The following UMAD1 variants were observed in gnomAD, a reference collection of about 807,000 sequenced individuals.
The protein encoded by UMAD1 is UBAP1-MVB12-associated (UMA)-domain containing protein 1.
In UMAD1, 8 loss-of-function variants were observed where a neutral mutation model predicts 6.1. That is an observed-to-expected ratio of 1.30 (90% CI 0.76 to 2.35). The LOEUF is 2.35. Among genes scored for constraint, UMAD1 ranks in the 30% most tolerant of loss-of-function variants. The pLI is 0.00. For missense variants in UMAD1, 130 were observed against 78.4 expected (o/e 1.66, Z -2.49); for synonymous variants, 56 against 31.4 (o/e 1.78, Z -2.61).
intron 3 of UMAD1, among the ~76,000 whole-genome samples, chr7:7,849,537 A>G (rs1583871346): frequency 6.6e-6 from 1 of 152,102 alleles, no homozygotes; most frequent in Non-Finnish European, 1.5e-5. Context: ...GGAAGGATAG[A>G]GGATGAAACC....
chr7:7,758,854 CT>C (rs879809932), intron 2 of UMAD1, among the ~76,000 whole-genome samples: 1 of 152,190 alleles, frequency 6.6e-6, no homozygotes, highest in African/African-American at 2.4e-5. Flanking sequence ...CACTCTCTCT[CT>C]CCCCACCCTG....
At chr7:7,730,480 G>C (rs11978146) in intron 2 of UMAD1, among the ~76,000 whole-genome samples, 4 of 151,778 alleles carry the variant, frequency 2.6e-5, no homozygotes, top group Non-Finnish European at 5.9e-5. Flanking sequence ...TCCAGTTCTC[G>C]TCCTTTTTCT....
In UMAD1 at chr7:7,656,287, A is replaced by G. The variant is rs1437940623; in HGVS notation, c.-64+15466A>G. ...CAATGTAAAGTCTCTTGCTGTTAGT[A>G]AAGAACTTGTTCATGTATTTAAAAA... is the stretch of plus-strand genomic sequence containing the variant. On this transcript the variant is annotated intron_variant, in intron 1 of 3. Coordinates refer to ENST00000682710, the MANE Select transcript of UMAD1 (RefSeq NM_001302348.2). 2.0e-5 allele frequency among the ~76,000 whole-genome samples: 3 copies of G among 152,288 alleles called. No homozygotes were observed. In the East Asian group the frequency reaches 5.8e-4, roughly 29 times the overall value.
intron 2 of UMAD1, among the ~76,000 whole-genome samples, chr7:7,721,991 TA>T (rs1781058674): frequency 6.6e-6 from 1 of 152,120 alleles, no homozygotes; most frequent in Non-Finnish European, 1.5e-5. Flanking sequence ...CCTCCTAGCC[TA>T]CATCTTTTCC....
At chr7:7,745,177 ATTCT>A (rs1267087141) in intron 2 of UMAD1, among the ~76,000 whole-genome samples, 1 of 152,180 alleles carries the variant, frequency 6.6e-6, no homozygotes, top group African/African-American at 2.4e-5. Context: ...AAAGGTCTTC[ATTCT>A]TGTTGTCTTC....
At chr7:7,769,688 G>A (rs751357245) in intron 2 of UMAD1, among the ~76,000 whole-genome samples, 4 of 152,196 alleles carry the variant, frequency 2.6e-5, no homozygotes, top group Non-Finnish European at 5.9e-5. Context: ...CATTTATGTA[G>A]AGGAAGCAGC....
At chr7:7,710,683 A>C (rs895989825) in intron 2 of UMAD1, among the ~76,000 whole-genome samples, 1 of 152,222 alleles carries the variant, frequency 6.6e-6, no homozygotes. Flanking sequence ...CGACTCAGCA[A>C]TTACACTTTG....
chr7:7,672,246 A>G (rs972068117), intron 1 of UMAD1, among the ~76,000 whole-genome samples: 3 of 152,038 alleles, frequency 2.0e-5, no homozygotes, highest in African/African-American at 2.4e-5. Flanking sequence ...TCAGAATCCT[A>G]TGTGTCCTTG....
At chr7:7,852,156 C>T (rs1583873171) in intron 3 of UMAD1, among the ~76,000 whole-genome samples, 2 of 152,248 alleles carry the variant, frequency 1.3e-5, no homozygotes, top group African/African-American at 4.8e-5. Context: ...GGTCTTGGCA[C>T]CCTTATCAAA....
At chr7:7,782,311 C>T (rs1049195713) in intron 2 of UMAD1, among the ~76,000 whole-genome samples, 1 of 151,888 alleles carries the variant, frequency 6.6e-6, no homozygotes, top group East Asian at 1.9e-4. Context: ...ATATACTTTT[C>T]TGTTCTTTTG....
At chr7:7,829,268 C>G (rs888989437) in intron 3 of UMAD1, among the ~76,000 whole-genome samples, 28 of 152,224 alleles carry the variant, frequency 1.8e-4, no homozygotes, top group African/African-American at 6.0e-4. Context: ...GCAGCAATCA[C>G]TTGCATACCT....
intron 2 of UMAD1, among the ~76,000 whole-genome samples, chr7:7,800,279 A>G (rs1782772162): frequency 6.6e-6 from 1 of 152,268 alleles, no homozygotes. Context: ...CTGCCCAACA[A>G]TAATAATGTT....
At chr7:7,662,677 G>A (rs1024023153) in intron 1 of UMAD1, among the ~76,000 whole-genome samples, 3 of 152,088 alleles carry the variant, frequency 2.0e-5, no homozygotes, top group African/African-American at 4.8e-5. Flanking sequence ...GAGATGAGCC[G>A]GGTACCTCAG....
At chr7:7,658,739 C>T (rs562416448) in intron 1 of UMAD1, among the ~76,000 whole-genome samples, 72 of 152,202 alleles carry the variant, frequency 4.7e-4, no homozygotes, top group East Asian at 7.7e-4. Flanking sequence ...ATTTTTGCAT[C>T]GATATTCATC....
chr7:7,864,514 G>A (rs983319525), intron 3 of UMAD1, among the ~76,000 whole-genome samples: 1 of 151,354 alleles, frequency 6.6e-6, no homozygotes, highest in Non-Finnish European at 1.5e-5. Flanking sequence ...AGACACGCCA[G>A]TTCTTCTAAC....
At chr7:7,876,577 G>C (rs1350929326) in intron 3 of UMAD1, among the ~76,000 whole-genome samples, 1 of 152,116 alleles carries the variant, frequency 6.6e-6, no homozygotes, top group Non-Finnish European at 1.5e-5. Context: ...TAATTGTAAA[G>C]AAATTGAACA....
At chr7:7,697,681 T>C (rs1780354129) in intron 2 of UMAD1, among the ~76,000 whole-genome samples, 1 of 152,220 alleles carries the variant, frequency 6.6e-6, no homozygotes, top group Admixed American at 6.5e-5. Context: ...CAGTGTGTAA[T>C]AGAGCTGTGG....
intron 2 of UMAD1, chr7:7,742,591 G>A (rs1427513120): frequency 6.0e-6 from 3 of 502,494 alleles, no homozygotes; most frequent in East Asian, 1.1e-4. Context: ...ACAATTTCTA[G>A]AAGGATTAAA....
chr7:7,849,149 A>G (rs1172942273), intron 3 of UMAD1, among the ~76,000 whole-genome samples: 2 of 152,176 alleles, frequency 1.3e-5, no homozygotes, highest in African/African-American at 2.4e-5. Flanking sequence ...TGCATTCTGT[A>G]TTGAGGATCT....
Sources: allele counts gnomAD v4.1 joint callset (sites outside exome capture counted in the v4.1 genomes callset), GRCh38; gene constraint gnomAD v4.1.1; transcripts MANE v1.5; gene names NCBI Gene and HGNC (gene_info 2026-07-23, HGNC 2026-07-21).